Variants in TRIP12 observed in about 807,000 individuals in gnomAD.
TRIP12 encodes the protein E3 ubiquitin-protein ligase TRIP12.
TRIP12 carries 25 observed loss-of-function variants against 244.2 expected under a neutral mutation model. The ratio of observed to expected loss-of-function variants is 0.10; its 90% CI spans 0.07 to 0.14. TRIP12 has a LOEUF of 0.14. Ranked by LOEUF, TRIP12 falls within the 10% of genes least tolerant of loss-of-function variation. The pLI, the probability that TRIP12 is intolerant of heterozygous loss-of-function variation, is 1.00. For synonymous variants in TRIP12, 905 were observed against 873.1 expected, an observed-to-expected ratio of 1.04 and a Z score of -0.64; for missense variants, 1,677 against 2,486.4, an observed-to-expected ratio of 0.67 and a Z score of 6.92.
In TRIP12 at chr2:229,905,231, G is replaced by A. The variant is rs111463497; in HGVS notation, c.-50+16649C>T. On this transcript the variant is annotated intron_variant, in intron 1 of 41. Coordinates refer to ENST00000675903, the MANE Select transcript of TRIP12 (RefSeq NM_001348323.3). The stretch of plus-strand genomic sequence containing the variant: ...AGACGTTGCGGTGAGCCGAGATCGC[G>A]CCATTGCACTCCAGCCTGGGCAACA... 3.1e-4 allele frequency among the ~76,000 whole-genome samples: 47 copies of A among 149,354 alleles called. 1 individual carries two copies. The highest frequency in any genetic ancestry group is 1.0e-3 in the African/African-American group (42 of 40,406).
chr2:229,905,862 T>C (rs2072597728), intron 1 of TRIP12, among the ~76,000 whole-genome samples: 1 of 152,090 alleles, frequency 6.6e-6, no homozygotes, highest in South Asian at 2.1e-4. Context: ...TTTAGGAGTA[T>C]CCAATAGCCA....
intron 1 of TRIP12, among the ~76,000 whole-genome samples, chr2:229,890,756 TA>T (rs987703760): frequency 4.6e-5 from 7 of 151,770 alleles, no homozygotes; most frequent in African/African-American, 7.3e-5. Flanking sequence ...TTTCAAAAGT[TA>T]AAAAAAAATT....
chr2:229,864,047 A>AGTGTGT lies in TRIP12; in HGVS notation c.99-3522_99-3517dup, dbSNP rs371818159. Among the ~76,000 whole-genome samples the AGTGTGT allele has an allele frequency of 2.6e-3, 206 of 79,148 alleles. 1 individual carries two copies. The highest frequency in any genetic ancestry group is 4.3e-3 in the African/African-American group (88 of 20,564). The allele number at this position is 79,148 out of a possible 152,430, so 51.9% of individuals were successfully genotyped here. A position where few individuals can be genotyped will look rare whatever the true frequency, so the allele number is the denominator to read the frequency against. On this transcript the variant is annotated intron_variant, in intron 2 of 41. Transcript: ENST00000675903. ...GAGAGAGAGAGAGAGAGAGAGAGAG[A>AGTGTGT]GTGTGTGTGTGTGTGTGTGTGTGTG...
chr2:229,799,426 G>C, intron 21 of TRIP12, 43 bp from the exon 22 acceptor site: 1 of 1,533,674 alleles, frequency 6.5e-7, no homozygotes, highest in Non-Finnish European at 9.0e-7. Context: ...AATTACCACT[G>C]TTTTATATCT....
At chr2:229,910,553 T>C (rs1409766562) in intron 1 of TRIP12, among the ~76,000 whole-genome samples, 3 of 152,212 alleles carry the variant, frequency 2.0e-5, no homozygotes, top group Non-Finnish European at 4.4e-5. Context: ...TATTAGCTCT[T>C]CAGTAATTCC....
At chr2:229,922,627 T>C (rs1193639541), upstream of TRIP12, 1 of 1,613,068 alleles carries the variant, frequency 6.2e-7, no homozygotes, top group South Asian at 1.1e-5. Context: ...CGAGCCGCGG[T>C]TTACCCTCTC....
intron 23 of TRIP12, 86 bp downstream of exon 23, chr2:229,798,789 T>A (rs2043454085): frequency 7.0e-7 from 1 of 1,423,756 alleles, no homozygotes. Context: ...ATGTATCGTC[T>A]CCACACAATA....
intron 36 of TRIP12, 58 bp from the exon 37 acceptor site, chr2:229,777,537 C>T: frequency 6.4e-7 from 1 of 1,552,610 alleles, no homozygotes; most frequent in Non-Finnish European, 8.9e-7. Flanking sequence ...GCATTACCTC[C>T]ATCTAAGGCA....
chr2:229,829,876 G>A (rs2052831250), intron 7 of TRIP12, among the ~76,000 whole-genome samples: 1 of 152,168 alleles, frequency 6.6e-6, no homozygotes, highest in Non-Finnish European at 1.5e-5. Context: ...TTGAACACGG[G>A]AGGTGGAGTT....
At chr2:229,911,618 G>A (rs796760735) in intron 1 of TRIP12, among the ~76,000 whole-genome samples, 2 of 152,144 alleles carry the variant, frequency 1.3e-5, no homozygotes, top group African/African-American at 4.8e-5. Flanking sequence ...ATAAGTGTCT[G>A]TGATGATGGT....
chr2:229,832,059 A>T (rs1233215448), intron 6 of TRIP12, among the ~76,000 whole-genome samples: 1 of 152,132 alleles, frequency 6.6e-6, no homozygotes, highest in Non-Finnish European at 1.5e-5. Flanking sequence ...AGCTTGTCTG[A>T]AGAAAAAGAT....
intron 4 of TRIP12, among the ~76,000 whole-genome samples, chr2:229,851,762 G>C (rs2058755592): frequency 6.6e-6 from 1 of 151,986 alleles, no homozygotes; most frequent in Non-Finnish European, 1.5e-5. Flanking sequence ...TCACCGCGCA[G>C]CTTCACTCCT....
chr2:229,835,740 C>G (rs938329455), intron 6 of TRIP12, among the ~76,000 whole-genome samples: 1 of 152,308 alleles, frequency 6.6e-6, no homozygotes, highest in African/African-American at 2.4e-5. Flanking sequence ...AGCTCCTTTT[C>G]TGTTACCCAT....
chr2:229,831,225 A>T lies in TRIP12; in HGVS notation c.1271-386T>A, dbSNP rs1442006473. Reference sequence around the variant, plus strand: ...GGCCAATTAGTAACAAAAATAATAAAAAGGCAAAATAGACATTTGGGGGAA... The same window carrying T: ...GGCCAATTAGTAACAAAAATAATAATAAGGCAAAATAGACATTTGGGGGAA... On this transcript the variant is annotated intron_variant, in intron 6 of 41. Transcript: ENST00000675903. 7.4e-6 allele frequency: 5 copies of T among 678,950 alleles called. No homozygotes were observed. In the African/African-American group the frequency reaches 9.1e-5, roughly 12 times the overall value. The allele number at this position is 678,950 out of a possible 1,614,324, so 42.1% of individuals were successfully genotyped here. A position where few individuals can be genotyped will look rare whatever the true frequency, so the allele number is the denominator to read the frequency against.
chr2:229,803,202 A>T (rs2044893244), intron 20 of TRIP12, among the ~76,000 whole-genome samples: 1 of 152,228 alleles, frequency 6.6e-6, no homozygotes, highest in Non-Finnish European at 1.5e-5. Flanking sequence ...ACAAACTGTA[A>T]TCCCACGCTG....
At chr2:229,790,454 A>G (rs934966179) in intron 30 of TRIP12, among the ~76,000 whole-genome samples, 4 of 151,978 alleles carry the variant, frequency 2.6e-5, no homozygotes, top group African/African-American at 9.7e-5. Context: ...TTTGTGAAAA[A>G]AAAGTGCTAC....
Position 229,793,001 on chromosome 2 carries a change from T to C in TRIP12, c.4113A>G (p.Gln1371=). The change falls in exon 27 of 42, where the codon CAA becomes CAG. Residue 1371 remains glutamine, a synonymous_variant. Transcript: ENST00000675903. The part of the protein sequence containing the change: ...PVKIDPLALV[Q]AIERYLVVRG... ...TAACTACAAGGTATCTCTCGATGGC[T>C]TGTACCAAAGCCAGAGGGTCAATCT... is the stretch of plus-strand genomic sequence containing the variant. The C allele has an allele frequency of 2.5e-6, 4 of 1,613,864 alleles. No individual in the cohort carries two copies. Among genetic ancestry groups the C allele is most frequent in the Non-Finnish European group, 3.4e-6 (4 of 1,179,856 alleles).
chr2:229,787,302 G>C (rs1220057360), intron 33 of TRIP12, among the ~76,000 whole-genome samples: 1 of 152,128 alleles, frequency 6.6e-6, no homozygotes, highest in African/African-American at 2.4e-5. Flanking sequence ...TTCAGAAACT[G>C]GGGGGTGGGG....
At chr2:229,787,458 T>G in intron 33 of TRIP12, 47 bp downstream of exon 33, 1 of 1,569,924 alleles carries the variant, frequency 6.4e-7, no homozygotes. Context: ...TTTTTCCCAT[T>G]ATTTTGAAAA....
Sources: allele counts gnomAD v4.1 joint callset (sites outside exome capture counted in the v4.1 genomes callset), GRCh38; gene constraint gnomAD v4.1.1; transcripts MANE v1.5; gene names NCBI Gene and HGNC (gene_info 2026-07-23, HGNC 2026-07-21).